Variants in DMD observed in about 807,000 individuals in gnomAD.
The protein encoded by DMD is mutant dystrophin.
A neutral mutation model predicts 330.1 loss-of-function variants in DMD; 63 were observed. That is an observed-to-expected ratio of 0.19 (90% CI 0.16 to 0.24). The LOEUF is 0.24. DMD is among the 10% of genes least tolerant of loss of function. The probability of loss-of-function intolerance (pLI) is 1.00; values close to 1 mark genes in which losing one functional copy is unlikely to be tolerated. For missense variants in DMD, 3,344 were observed against 2,684.1 expected, an observed-to-expected ratio of 1.25 and a Z score of -5.43; for synonymous variants, 1,223 against 959.8, an observed-to-expected ratio of 1.27 and a Z score of -5.07.
At chrX:32,398,039 C>G (rs1231670941) in intron 30 of DMD, among the ~76,000 whole-genome samples, 1 of 110,323 alleles carries the variant, frequency 9.1e-6, no homozygotes, top group Non-Finnish European at 1.9e-5. Flanking sequence ...TTGCTATTTT[C>G]AAGAAAGGGA....
At chrX:32,141,982 G>C (rs1030412966) in intron 44 of DMD, among the ~76,000 whole-genome samples, 1 of 111,504 alleles carries the variant, frequency 9.0e-6, no homozygotes, top group East Asian at 2.8e-4. Context: ...GCTACACACG[G>C]GGGATATGCT....
At chrX:31,807,965 T>C (rs1013907158) in intron 50 of DMD, among the ~76,000 whole-genome samples, 5 of 111,597 alleles carry the variant, frequency 4.5e-5, no homozygotes, top group Non-Finnish European at 9.4e-5. Flanking sequence ...TTTCATTTCC[T>C]CTCATGGTGA....
At chrX:32,544,753 T>A (rs751493137) in intron 17 of DMD, among the ~76,000 whole-genome samples, 3 of 109,237 alleles carry the variant, frequency 2.7e-5, no homozygotes, top group African/African-American at 1.0e-4. Context: ...CTATTATAGG[T>A]GTACTTCTTC....
intron 48 of DMD, among the ~76,000 whole-genome samples, chrX:31,851,494 G>A (rs1012694372): frequency 1.8e-5 from 2 of 111,748 alleles, no homozygotes; most frequent in African/African-American, 6.5e-5. Flanking sequence ...CTCTATGGAA[G>A]CTCTCCACCT....
At chrX:31,368,176 CCAG>C (rs752595303) in intron 60 of DMD, among the ~76,000 whole-genome samples, 2 of 112,375 alleles carry the variant, frequency 1.8e-5, no homozygotes, top group African/African-American at 6.5e-5. Context: ...GCAAGCATAG[CCAG>C]CCACAGGGGT....
chrX:33,163,618 C>CTCTATCTATCTATCTATGTATCTATGTA (rs2048900257), intron 1 of DMD, among the ~76,000 whole-genome samples: 2 of 24,849 alleles, frequency 8.0e-5, no homozygotes, highest in African/African-American at 1.5e-4. Flanking sequence ...CTATATCTAT[C>CTCTATCTATCTATCTATGTATCTATGTA]TCTATCTATC....
rs763067131 is a variant in DMD, at chrX:31,385,092, T to G, written c.9085-36458A>C. On this transcript the variant is annotated intron_variant, in intron 60 of 78. Coordinates refer to ENST00000357033, the MANE Select transcript of DMD (RefSeq NM_004006.3). ...CTCCTCAAAATTCCTACATGAAGGTTCACAAGGTTTAACGTACAGGTTGTT... is the reference window on the plus strand; with the variant it reads ...CTCCTCAAAATTCCTACATGAAGGTGCACAAGGTTTAACGTACAGGTTGTT... Among the ~76,000 whole-genome samples the G allele has an allele frequency of 7.1e-5, 8 of 112,188 alleles. No homozygotes were observed. In the East Asian group the frequency reaches 2.2e-3, roughly 31 times the overall value.
chrX:31,326,591 TA>T (rs764436608), intron 61 of DMD, among the ~76,000 whole-genome samples: 786 of 54,187 alleles, frequency 0.015, 4 homozygotes, highest in South Asian at 0.04. Context: ...CTTGACACAA[TA>T]AAAAAAAAAA....
intron 44 of DMD, among the ~76,000 whole-genome samples, chrX:32,157,964 AC>A (rs1400658674): frequency 3.6e-5 from 4 of 112,195 alleles, no homozygotes; most frequent in Non-Finnish European, 5.6e-5. Context: ...AAGATAATGC[AC>A]CTGCACCTTC....
intron 6 of DMD, among the ~76,000 whole-genome samples, chrX:32,809,917 A>AC (rs1345212661): frequency 1.7e-4 from 8 of 47,944 alleles, no homozygotes; most frequent in African/African-American, 5.7e-4. Flanking sequence ...CCTTGTTTCT[A>AC]CCAAAAAAAA....
chrX:32,864,305 A>G (rs1159653309), intron 2 of DMD, among the ~76,000 whole-genome samples: 1 of 111,669 alleles, frequency 9.0e-6, no homozygotes, highest in East Asian at 2.8e-4. Flanking sequence ...CACAGCAAGT[A>G]AGTGCTAGAT....
intron 51 of DMD, among the ~76,000 whole-genome samples, chrX:31,766,038 T>C (rs2089972761): frequency 9.0e-6 from 1 of 111,038 alleles, no homozygotes; most frequent in Admixed American, 9.6e-5. Context: ...GACCAAAAGT[T>C]ATGGTGAAAT....
chrX:32,457,298 T>C (rs991254848), intron 25 of DMD, among the ~76,000 whole-genome samples: 12 of 111,026 alleles, frequency 1.1e-4, no homozygotes, highest in African/African-American at 2.9e-4. Context: ...GCTCTCTTAA[T>C]TGGCATCAAG....
chrX:32,729,752 G>T (rs1015083597), intron 7 of DMD, among the ~76,000 whole-genome samples: 3 of 110,048 alleles, frequency 2.7e-5, no homozygotes, highest in Non-Finnish European at 5.7e-5. Context: ...ACATGTTCTG[G>T]TTCTTTAATA....
intron 1 of DMD, among the ~76,000 whole-genome samples, chrX:33,131,186 C>A (rs756285613): frequency 9.1e-6 from 1 of 110,465 alleles, no homozygotes; most frequent in African/African-American, 3.3e-5. Context: ...TTCCCTGGGG[C>A]TGCTGCGGCT....
intron 19 of DMD, among the ~76,000 whole-genome samples, chrX:32,498,188 C>A (rs1024269271): frequency 2.4e-4 from 27 of 111,182 alleles, no homozygotes; most frequent in African/African-American, 8.8e-4. Context: ...CCAAAGCTTA[C>A]ATATTGACGG....
intron 76 of DMD, among the ~76,000 whole-genome samples, chrX:31,135,320 G>A (rs894670222): frequency 1.8e-5 from 2 of 111,542 alleles, no homozygotes; most frequent in Non-Finnish European, 3.8e-5. Context: ...AAATACAAAC[G>A]AAACTCAAGT....
At chrX:31,126,133 G>A (rs754902036) in intron 78 of DMD, among the ~76,000 whole-genome samples, 2 of 111,940 alleles carry the variant, frequency 1.8e-5, no homozygotes, top group South Asian at 7.5e-4. Context: ...TTGGCACACA[G>A]TAAGTGCTCA....
In DMD at chrX:31,146,514, C is replaced by T. The variant is rs17340575; in HGVS notation, c.10798-100G>A. 45 of 906,629 alleles carry T rather than the reference C, an allele frequency of 5.0e-5. No homozygotes were observed. In the Admixed American group the frequency reaches 1.1e-3, roughly 22 times the overall value. 74.7% of individuals were successfully genotyped at this position (906,629 alleles called of 1,213,427 possible). Reference sequence around the variant, plus strand: ...ACACTCAGGACTCATAAATTTTGACCCTTCCTACTTTAGAAGCCCTCCCAA... The same window carrying T: ...ACACTCAGGACTCATAAATTTTGACTCTTCCTACTTTAGAAGCCCTCCCAA... On this transcript the variant is annotated intron_variant, in intron 75 of 78. Coordinates refer to ENST00000357033, the MANE Select transcript of DMD (RefSeq NM_004006.3).
Sources: gnomAD v4.1 joint callset for allele counts (sites outside exome capture counted in the v4.1 genomes callset) on GRCh38, gnomAD v4.1.1 for gene constraint, MANE v1.5 for transcripts, NCBI Gene and HGNC (gene_info 2026-07-23, HGNC 2026-07-21) for gene names.